The following IGF2R variants were observed in gnomAD, a reference collection of about 807,000 sequenced individuals.
IGF2R encodes the protein insulin like growth factor 2 receptor.
Under a neutral mutation model 270.6 loss-of-function variants are expected in IGF2R, and 91 were observed. The observed-to-expected ratio is 0.34, with a 90% CI of 0.28 to 0.40. The LOEUF (loss-of-function observed/expected upper bound fraction) is 0.40, where lower values mean the gene tolerates loss of function less well. IGF2R is among the 10% of genes least tolerant of loss of function. IGF2R has a pLI of 1.00. For synonymous variants in IGF2R, 1,316 were observed against 1,258.9 expected (o/e 1.05, Z -0.96); for missense variants, 2,805 against 3,188.3 (o/e 0.88, Z 2.90).
At position 160,032,617 on chromosome 6, in the gene IGF2R, G is replaced by T. The variant is rs775242012; in HGVS notation, c.949G>T (p.Ala317Ser). 3 of 1,614,052 alleles carry T rather than the reference G, an allele frequency of 1.9e-6. No individual in the cohort carries two copies. Among genetic ancestry groups the T allele is most frequent in the Non-Finnish European group, 2.5e-6 (3 of 1,180,026 alleles). ...TGAAATTGAGTGGATTACTGAGTATGCCTGCCACAGAGATTACCTGGAAAG... is the reference window on the plus strand; with the variant it reads ...TGAAATTGAGTGGATTACTGAGTATTCCTGCCACAGAGATTACCTGGAAAG... ...RYEIEWITEY[A>S]CHRDYLESKT... is the part of the protein sequence containing the mutation. The change falls in exon 8 of 48, where the codon GCC becomes TCC. Residue 317 changes from alanine to serine, a missense_variant. Around this residue, in one of 2 missense-constraint regions of IGF2R, gnomAD observed 954 missense variants for 981.1 expected, o/e 0.97. Transcript: ENST00000356956.
At chr6:160,023,200 T>G (rs1583265254) in intron 4 of IGF2R, among the ~76,000 whole-genome samples, 1 of 151,848 alleles carries the variant, frequency 6.6e-6, no homozygotes, top group African/African-American at 2.4e-5. Flanking sequence ...GTGGCGATGG[T>G]GGAGGTGATA....
chr6:160,096,656 G>A (rs373308054), intron 45 of IGF2R, 31 bp downstream of exon 45: 133 of 1,538,174 alleles, frequency 8.6e-5, no homozygotes, highest in Non-Finnish European at 1.1e-4. Flanking sequence ...CTTAGCACTT[G>A]TACCCCACAT....
intron 31 of IGF2R, 135 bp downstream of exon 31, chr6:160,070,193 GT>G: frequency 1.2e-6 from 1 of 858,076 alleles, no homozygotes; most frequent in South Asian, 1.6e-5. Context: ...CTTACCAGAG[GT>G]TGGGGGAACA....
At chr6:160,096,152 G>A (rs1459581127) in intron 44 of IGF2R, 3 of 278,554 alleles carry the variant, frequency 1.1e-5, no homozygotes, top group African/African-American at 2.2e-5. Flanking sequence ...TTTAATCCAC[G>A]GTTGTGCCTT....
At position 160,056,538 on chromosome 6, in the gene IGF2R, T is replaced by C. The variant is rs748108548; in HGVS notation, c.2796+13T>C. 1 of 1,564,502 alleles carries C rather than the reference T, an allele frequency of 6.4e-7. No individual in the cohort carries two copies. The highest frequency in any genetic ancestry group is 1.1e-5 in the South Asian group (1 of 89,994). ...GGATACAGACCAGGTACGTGTGCTT[T>C]CACCTGGCCCTCGTGCTGAGCTGCC... is the stretch of plus-strand genomic sequence containing the variant. On this transcript the variant is annotated intron_variant, in intron 20 of 47. Coordinates refer to ENST00000356956, the MANE Select transcript of IGF2R (RefSeq NM_000876.4).
In IGF2R at chr6:160,041,910, C is replaced by G. The variant is rs140854603; in HGVS notation, c.1480+1186C>G. 8.5e-5 allele frequency among the ~76,000 whole-genome samples: 13 copies of G among 152,316 alleles called. No homozygotes were observed. In the East Asian group the frequency reaches 2.5e-3, roughly 29 times the overall value. On this transcript the variant is annotated intron_variant, in intron 11 of 47. Coordinates refer to ENST00000356956, the MANE Select transcript of IGF2R (RefSeq NM_000876.4). Reference sequence around the variant, plus strand: ...TGGCTGAGGACTGGTGTTGCCGCATCCAACCACATTTGCTTGAGCGAGCTG... The same window carrying G: ...TGGCTGAGGACTGGTGTTGCCGCATGCAACCACATTTGCTTGAGCGAGCTG...
chr6:160,088,681 C>T (rs1242462087), intron 42 of IGF2R, among the ~76,000 whole-genome samples: 1 of 152,036 alleles, frequency 6.6e-6, no homozygotes, highest in Non-Finnish European at 1.5e-5. Flanking sequence ...CAGAAATTGC[C>T]AAAGGATTTA....
intron 37 of IGF2R, 48 bp downstream of exon 37, chr6:160,078,410 AGGT>A: frequency 6.4e-7 from 1 of 1,563,862 alleles, no homozygotes. Flanking sequence ...ACCAGGTGCC[AGGT>A]GCTGTGAGGC....
At chr6:160,101,583 G>A (rs1214184343) in intron 45 of IGF2R, among the ~76,000 whole-genome samples, 1 of 152,232 alleles carries the variant, frequency 6.6e-6, no homozygotes, top group Non-Finnish European at 1.5e-5. Context: ...TTGAGCAGCC[G>A]GCATCTTCAG....
In IGF2R at chr6:160,047,790, A is replaced by G. The variant is rs1778102035; in HGVS notation, c.2230-2A>G. On this transcript the variant is annotated splice_acceptor_variant, in intron 16 of 47. Coordinates refer to ENST00000356956, the MANE Select transcript of IGF2R (RefSeq NM_000876.4). LOFTEE classifies it high-confidence loss of function. ...TCCCTCCGCGCATCTGCCGTGGATT[A>G]GGAAGAGGATAACTCCACCTACAAC... 2.5e-6 allele frequency: 4 copies of G among 1,594,372 alleles called. No homozygotes were observed. The highest frequency in any genetic ancestry group is 3.4e-6 in the Non-Finnish European group (4 of 1,162,024).
intron 10 of IGF2R, among the ~76,000 whole-genome samples, chr6:160,035,521 C>G (rs548248968): frequency 1.3e-5 from 2 of 152,336 alleles, no homozygotes; most frequent in South Asian, 2.1e-4. Context: ...CAGGGTCTTG[C>G]CACTGGGAAG....
rs1228900230 is a variant in IGF2R, at chr6:160,068,360, G to A, written c.4227G>A (p.Lys1409=). 7 of 1,614,092 alleles carry A rather than the reference G, an allele frequency of 4.3e-6. No individual in the cohort carries two copies. In the African/African-American group the frequency reaches 9.3e-5, roughly 22 times the overall value. The change falls in exon 30 of 48, where the codon AAG becomes AAA. Residue 1409 remains lysine, a synonymous_variant. Coordinates refer to ENST00000356956, the MANE Select transcript of IGF2R (RefSeq NM_000876.4). ...AGCACTACCTCATCAATGTCTGCAAGTCTCTGGCCCCGCAGGCTGGCACTG... is the reference window on the plus strand; with the variant it reads ...AGCACTACCTCATCAATGTCTGCAAATCTCTGGCCCCGCAGGCTGGCACTG... ...DPEHYLINVC[K]SLAPQAGTEP... is the part of the protein sequence containing the mutation.
intron 32 of IGF2R, among the ~76,000 whole-genome samples, chr6:160,072,257 C>A (rs1178308912): frequency 6.6e-6 from 1 of 152,158 alleles, no homozygotes; most frequent in East Asian, 1.9e-4. Context: ...CACAGAGAAT[C>A]CATCCCTCCT....
intron 4 of IGF2R, among the ~76,000 whole-genome samples, chr6:160,012,620 C>T (rs1455732455): frequency 6.6e-6 from 1 of 151,600 alleles, no homozygotes; most frequent in Non-Finnish European, 1.5e-5. Context: ...GGAATCTGCC[C>T]TCATGATCCA....
chr6:159,988,780 T>C (rs1487135994), intron 1 of IGF2R, among the ~76,000 whole-genome samples: 1 of 152,192 alleles, frequency 6.6e-6, no homozygotes, highest in Non-Finnish European at 1.5e-5. Flanking sequence ...TTGTTTATCT[T>C]GTATCCTGCA....
At chr6:160,062,803 C>T (rs1188050824) in intron 26 of IGF2R, among the ~76,000 whole-genome samples, 184 bp downstream of exon 26, 2 of 151,584 alleles carry the variant, frequency 1.3e-5, no homozygotes, top group Admixed American at 6.6e-5. Flanking sequence ...GCTAATTTCA[C>T]GAGTGACATT....
chr6:159,971,961 T>C (rs1345556762), intron 1 of IGF2R, among the ~76,000 whole-genome samples: 1 of 152,230 alleles, frequency 6.6e-6, no homozygotes, highest in East Asian at 1.9e-4. Flanking sequence ...TGGGTTTATG[T>C]TCCTGTTTTA....
Position 160,058,992 on chromosome 6 carries a change from G to C in IGF2R, c.2985G>C (p.Glu995Asp), listed in dbSNP as rs1209196882. The C allele has an allele frequency of 6.2e-7, 1 of 1,614,242 alleles. No homozygotes were observed. Among genetic ancestry groups the C allele is most frequent in the Non-Finnish European group, 8.5e-7 (1 of 1,180,042 alleles). Residue 995 changes from glutamate to aspartate, a missense_variant, in exon 22 of 48, where the codon GAG (glutamate) becomes GAC (aspartate). Physicochemically the swap from Glu to Asp is conservative, Grantham distance 45. Around this residue, in one of 2 missense-constraint regions of IGF2R, gnomAD observed 1,851 missense variants for 2,207.2 expected, o/e 0.84. Coordinates refer to ENST00000356956, the MANE Select transcript of IGF2R (RefSeq NM_000876.4). ...GTGAGGCAGAAACCCAAACTGAAGA[G>C]CTCAAGAATTGGAAGCCAGCAAGGC... ...SGCEAETQTE[E>D]LKNWKPARPV...
At position 160,048,460 on chromosome 6, in the gene IGF2R, A is replaced by G; in HGVS notation, c.2431A>G (p.Ile811Val). 2 of 1,614,240 alleles carry G rather than the reference A, an allele frequency of 1.2e-6. No individual in the cohort carries two copies. Among genetic ancestry groups the G allele is most frequent in the Admixed American group, 1.7e-5 (1 of 60,034 alleles). ...GEHVTWRKYY[I>V]NVCRPLNPVP... ...ACATGTCACGTGGAGGAAATACTAC[A>G]TTAACGTGTGTCGGCCTCTGAATCC... The change falls in exon 18 of 48, where the codon ATT (isoleucine) becomes GTT (valine). Residue 811 changes from isoleucine to valine, a missense_variant. By Grantham distance (29) the Ile-to-Val change is conservative (BLOSUM62 3). Coordinates refer to ENST00000356956, the MANE Select transcript of IGF2R (RefSeq NM_000876.4).
Sources: gnomAD v4.1 joint callset for allele counts (sites outside exome capture counted in the v4.1 genomes callset) on GRCh38, gnomAD v4.1.1 for gene constraint, gnomAD v4.1.1 regional missense constraint, MANE v1.5 for transcripts, NCBI Gene and HGNC (gene_info 2026-07-23, HGNC 2026-07-21) for gene names.